Variants in MSH3 observed in about 807,000 individuals in gnomAD.
MSH3 encodes the protein DNA mismatch repair protein Msh3.
MSH3 carries 106 observed loss-of-function variants against 123.3 expected under a neutral mutation model. That is an observed-to-expected ratio of 0.86 (90% CI 0.73 to 1.01). The LOEUF is 1.01. Ranked by LOEUF, MSH3 falls within the 50% of genes least tolerant of loss-of-function variation. The pLI is 0.00. For synonymous variants in MSH3, 515 were observed against 481.4 expected, an observed-to-expected ratio of 1.07 and a Z score of -0.91; for missense variants, 1,459 against 1,347.6, an observed-to-expected ratio of 1.08 and a Z score of -1.29.
At chr5:80,835,674 G>A (rs1188217736) in intron 20 of MSH3, among the ~76,000 whole-genome samples, 2 of 152,058 alleles carry the variant, frequency 1.3e-5, no homozygotes, top group African/African-American at 4.8e-5. Context: ...TAGCACTTTG[G>A]GAGCCTGAGG....
intron 12 of MSH3, among the ~76,000 whole-genome samples, chr5:80,752,435 A>G (rs1453052548): frequency 6.6e-6 from 1 of 152,090 alleles, no homozygotes; most frequent in Non-Finnish European, 1.5e-5. Context: ...TGTTTTAGAG[A>G]TAAGAATAAC....
Position 80,672,736 on chromosome 5 carries a change from T to C in MSH3, c.910-5T>C, listed in dbSNP as rs1266838218. 2 of 1,607,642 alleles carry C rather than the reference T, an allele frequency of 1.2e-6. No homozygotes were observed. The highest frequency in any genetic ancestry group is 4.5e-5 in the East Asian group (2 of 44,842). On this transcript the variant is annotated splice_polypyrimidine_tract_variant and splice_region_variant and intron_variant, in intron 5 of 23. Coordinates refer to ENST00000265081, the MANE Select transcript of MSH3 (RefSeq NM_002439.5). ...TGATAGCAATATTTCTTATTTTTGTTGAAGGTGGGAGTTGTGAAGCAAACT... is the reference window on the plus strand; with the variant it reads ...TGATAGCAATATTTCTTATTTTTGTCGAAGGTGGGAGTTGTGAAGCAAACT...
chr5:80,751,317 T>C (rs539872723), intron 12 of MSH3, among the ~76,000 whole-genome samples: 1 of 152,260 alleles, frequency 6.6e-6, no homozygotes, highest in Admixed American at 6.5e-5. Flanking sequence ...AGTGGTGACA[T>C]CATTAATGCT....
chr5:80,834,928 A>C (rs1442978334), intron 20 of MSH3, among the ~76,000 whole-genome samples: 1 of 152,182 alleles, frequency 6.6e-6, no homozygotes, highest in Non-Finnish European at 1.5e-5. Flanking sequence ...CTTGTCTGCC[A>C]CAGATTAGCC....
At chr5:80,774,664 A>G (rs1390517421) in intron 15 of MSH3, among the ~76,000 whole-genome samples, 3 of 152,184 alleles carry the variant, frequency 2.0e-5, no homozygotes, top group Non-Finnish European at 2.9e-5. Flanking sequence ...TTGCAACAAC[A>G]TGGATGGATT....
intron 8 of MSH3, among the ~76,000 whole-genome samples, chr5:80,708,239 C>T (rs1750764453): frequency 6.6e-6 from 1 of 152,050 alleles, no homozygotes; most frequent in African/African-American, 2.4e-5. Flanking sequence ...AACATTTTCT[C>T]ATATTTTATT....
chr5:80,740,882 T>C (rs1333160890), intron 10 of MSH3, among the ~76,000 whole-genome samples: 1 of 151,868 alleles, frequency 6.6e-6, no homozygotes, highest in Non-Finnish European at 1.5e-5. Context: ...GCCTGGCTAA[T>C]TTTTATGTTT....
intron 20 of MSH3, among the ~76,000 whole-genome samples, chr5:80,834,547 C>G (rs1166515593): frequency 6.7e-6 from 1 of 148,736 alleles, no homozygotes; most frequent in African/African-American, 2.4e-5. Context: ...TAGAAATAAT[C>G]ATTGCCTCTA....
At chr5:80,662,503 CAAATA>C (rs1372069048) in intron 2 of MSH3, among the ~76,000 whole-genome samples, 2 of 152,050 alleles carry the variant, frequency 1.3e-5, no homozygotes, top group Non-Finnish European at 2.9e-5. Flanking sequence ...CTGTCAAAGT[CAAATA>C]AAATATAGGG....
At chr5:80,867,135 A>C (rs1205417131) in intron 22 of MSH3, among the ~76,000 whole-genome samples, 2 of 152,220 alleles carry the variant, frequency 1.3e-5, no homozygotes. Context: ...ATGTGATTGC[A>C]AGGAACAAAA....
intron 8 of MSH3, among the ~76,000 whole-genome samples, chr5:80,708,305 T>C (rs1750765290): frequency 6.6e-6 from 1 of 152,166 alleles, no homozygotes; most frequent in Non-Finnish European, 1.5e-5. Flanking sequence ...GGATTTAACT[T>C]TGGGGCATCA....
At chr5:80,828,334 A>AATCCCCAAATGGATTAATCCATTC (rs1293534467) in intron 20 of MSH3, among the ~76,000 whole-genome samples, 14 of 152,160 alleles carry the variant, frequency 9.2e-5, no homozygotes, top group African/African-American at 3.4e-4. Flanking sequence ...TTAATCCATT[A>AATCCCCAAATGGATTAATCCATTC]ATCCCCAAAT....
chr5:80,659,771 T>C (rs1054059896), intron 2 of MSH3, among the ~76,000 whole-genome samples: 2 of 152,146 alleles, frequency 1.3e-5, no homozygotes, highest in Non-Finnish European at 2.9e-5. Flanking sequence ...CTGTACCCAT[T>C]AAACACTGAC....
chr5:80,807,298 A>G (rs1744909214), intron 19 of MSH3, among the ~76,000 whole-genome samples: 1 of 152,206 alleles, frequency 6.6e-6, no homozygotes, highest in South Asian at 2.1e-4. Flanking sequence ...ACAAAGTTAA[A>G]TTCCTATGTC....
At chr5:80,761,468 C>T (rs1744031442) in intron 12 of MSH3, 78 bp from the exon 13 acceptor site, 3 of 1,543,870 alleles carry the variant, frequency 1.9e-6, no homozygotes, top group Non-Finnish European at 9.0e-7. Context: ...GTGTCACATT[C>T]CTGGGCATTA....
intron 19 of MSH3, among the ~76,000 whole-genome samples, chr5:80,795,189 G>T (rs1161813413): frequency 6.6e-6 from 1 of 152,102 alleles, no homozygotes; most frequent in East Asian, 1.9e-4. Context: ...TGGTGCATTT[G>T]GCTGGCCATG....
intron 3 of MSH3, among the ~76,000 whole-genome samples, chr5:80,666,105 G>A (rs1215363953): frequency 6.6e-6 from 1 of 152,068 alleles, no homozygotes; most frequent in South Asian, 2.1e-4. Flanking sequence ...TGTTGTCCAG[G>A]CTAGAGTACA....
At position 80,870,371 on chromosome 5, in the gene MSH3, G is replaced by A. The variant is rs144760759; in HGVS notation, c.3131-2745G>A. Among the ~76,000 whole-genome samples, 643 of 152,128 alleles carry A rather than the reference G, an allele frequency of 4.2e-3. 2 individuals are homozygous for A. The highest frequency in any genetic ancestry group is 7.2e-3 in the Non-Finnish European group (492 of 67,988). On this transcript the variant is annotated intron_variant, in intron 22 of 23. Coordinates refer to ENST00000265081, the MANE Select transcript of MSH3 (RefSeq NM_002439.5). ...AGCTGGAGACAGGGAGATCAGTTAG[G>A]ACTAACACAGTTGAAGTGATAAACT...
intron 10 of MSH3, among the ~76,000 whole-genome samples, chr5:80,729,460 G>GTGTATATATATATATA (rs1277559108): frequency 4.2e-5 from 4 of 95,022 alleles, no homozygotes; most frequent in South Asian, 4.1e-4. Context: ...GTGTGTGTGT[G>GTGTATATATATATATA]TATATATATA....
Sources: allele counts gnomAD v4.1 joint callset (sites outside exome capture counted in the v4.1 genomes callset), GRCh38; gene constraint gnomAD v4.1.1; transcripts MANE v1.5; gene names NCBI Gene and HGNC (gene_info 2026-07-23, HGNC 2026-07-21).